The following MORC4 variants were observed in gnomAD, a reference collection of about 807,000 sequenced individuals.
MORC4 encodes the protein MORC family CW-type zinc finger 4.
MORC4 carries 22 observed loss-of-function variants against 65.5 expected under a neutral mutation model. The ratio of observed to expected loss-of-function variants is 0.34; its 90% CI spans 0.24 to 0.48. The LOEUF (loss-of-function observed/expected upper bound fraction) is 0.48, where lower values mean the gene tolerates loss of function less well. Among genes scored for constraint, MORC4 ranks in the 20% least tolerant of loss-of-function variants. The pLI, the probability that MORC4 is intolerant of heterozygous loss-of-function variation, is 0.99. For missense variants in MORC4, 624 were observed against 703.0 expected (o/e 0.89, Z 1.27); for synonymous variants, 267 against 255.8 (o/e 1.04, Z -0.42).
intron 13 of MORC4, 107 bp from the exon 14 acceptor site, chrX:106,955,195 A>C: frequency 5.2e-6 from 3 of 580,964 alleles, no homozygotes; most frequent in East Asian, 3.5e-5. Context: ...AAATAAAAAG[A>C]AACTGTTTCC....
At chrX:106,996,636 G>C (rs779815466) in intron 2 of MORC4, among the ~76,000 whole-genome samples, 1 of 111,197 alleles carries the variant, frequency 9.0e-6, no homozygotes, top group Non-Finnish European at 1.9e-5. Flanking sequence ...CAATGAACAG[G>C]TAGCACAATG....
At chrX:106,983,936 AT>A (rs1197579219) in intron 5 of MORC4, among the ~76,000 whole-genome samples, 7 of 110,620 alleles carry the variant, frequency 6.3e-5, no homozygotes, top group South Asian at 3.8e-4. Flanking sequence ...GTTTACTCTA[AT>A]TTTTTTTCTC....
intron 14 of MORC4, among the ~76,000 whole-genome samples, chrX:106,947,582 TATATATATA>T (rs1400232911): frequency 1.8e-4 from 16 of 90,807 alleles, no homozygotes; most frequent in African/African-American, 6.4e-4. Context: ...TATATATATA[TATATATATA>T]ATATATATAT....
chrX:106,941,873 T>G, intron 16 of MORC4, 65 bp downstream of exon 16: 1 of 1,084,567 alleles, frequency 9.2e-7, no homozygotes, highest in Non-Finnish European at 1.2e-6. Context: ...GGCCAGTAAG[T>G]GGGGGTCCTA....
rs1175715893 is a variant in MORC4 at position 106,942,981 on chromosome X, C to T, written c.1910G>A (p.Gly637Asp). 8.3e-7 allele frequency: 1 copy of T among 1,209,464 alleles called. No homozygotes were observed. Among genetic ancestry groups the T allele is most frequent in the African/African-American group, 1.8e-5 (1 of 57,120 alleles). ...PEYPEASKNT[G>D]QNREVSILYP... ...CAGAATTGAAACCTCCCTATTCTGA[C>T]CTGTATTCTTGCTTGCTTCTGGGTA... The change falls in exon 15 of 17, where the codon GGT becomes GAT. Residue 637 changes from glycine (G) to aspartate (D), a missense_variant. Coordinates refer to ENST00000355610, the MANE Select transcript of MORC4 (RefSeq NM_024657.5).
At position 106,943,191 on chromosome X, in the gene MORC4, A is replaced by G. The variant is rs1602470725; in HGVS notation, c.1700T>C (p.Ile567Thr). 8.3e-7 allele frequency: 1 copy of G among 1,197,906 alleles called. No homozygotes were observed. The highest frequency in any genetic ancestry group is 3.0e-5 in the East Asian group (1 of 33,651). ...VLQFSSKYKW[I>T]LGEEPVEKRR... The stretch of plus-strand genomic sequence containing the variant: ...TTTCTCCACCGGTTCTTCACCTAGG[A>G]TCCATTTGTACTTACTGCAAGAAGA... Residue 567 changes from isoleucine (I) to threonine (T), a missense_variant, in exon 15 of 17, where the codon ATC becomes ACC. By Grantham distance (89) the Ile-to-Thr change is moderately conservative. Coordinates refer to ENST00000355610, the MANE Select transcript of MORC4 (RefSeq NM_024657.5).
rs112124198 is a variant in MORC4 at position 106,985,679 on chromosome X, GAA to G, written c.526+302_526+303del. Among the ~76,000 whole-genome samples the G allele has an allele frequency of 3.8e-3, 380 of 100,065 alleles. 3 individuals carry two copies. The highest frequency in any genetic ancestry group is 0.012 in the African/African-American group (347 of 27,859). The allele number at this position is 100,065 out of a possible 115,157, so 86.9% of individuals were successfully genotyped here. On this transcript the variant is annotated intron_variant, in intron 4 of 16. Coordinates refer to ENST00000355610, the MANE Select transcript of MORC4 (RefSeq NM_024657.5). Reference sequence around the variant, plus strand: ...AATGCAAATGTAGCTATCCTTAGGGGAAAAAAAAAAAAAGGAAGGCCTTCGGA... The same window carrying G: ...AATGCAAATGTAGCTATCCTTAGGGGAAAAAAAAAAAGGAAGGCCTTCGGA...
At chrX:106,981,236 T>C in intron 6 of MORC4, 109 bp downstream of exon 6, 1 of 926,874 alleles carries the variant, frequency 1.1e-6, no homozygotes, top group Non-Finnish European at 1.5e-6. Context: ...TACTAGCACA[T>C]GGCTGGAACG....
chrX:106,975,109 C>A (rs150972146), intron 9 of MORC4, among the ~76,000 whole-genome samples: 3,344 of 111,271 alleles, frequency 0.03, 129 homozygotes, highest in African/African-American at 0.1. Context: ...AGATCTAATG[C>A]CTGTAAAATT....
intron 9 of MORC4, among the ~76,000 whole-genome samples, chrX:106,970,499 C>T (rs779186044): frequency 2.4e-4 from 27 of 111,619 alleles, no homozygotes; most frequent in Non-Finnish European, 4.3e-4. Flanking sequence ...AAGCAATAAA[C>T]GGTATTCAAA....
rs58310740 is a variant in MORC4 at position 106,941,371 on chromosome X, TGAGAGAGAGAGAGAGAGAGA to T, written c.*88_*107del. 13 of 395,866 alleles carry T rather than the reference TGAGAGAGAGAGAGAGAGAGA, an allele frequency of 3.3e-5. No homozygotes were observed. Among genetic ancestry groups the T allele is most frequent in the Admixed American group, 2.0e-4 (4 of 20,135 alleles). 32.6% of individuals were successfully genotyped at this position (395,866 alleles called of 1,213,427 possible). On this transcript the variant is annotated 3_prime_UTR_variant, in exon 17 of 17. Coordinates refer to ENST00000355610, the MANE Select transcript of MORC4 (RefSeq NM_024657.5). ...TCTATATAAGGCATAAAGGTGAGGG[TGAGAGAGAGAGAGAGAGAGA>T]GAGAGAGAGAGAGAGAGAGACGTGA... is the stretch of plus-strand genomic sequence containing the variant.
intron 14 of MORC4, among the ~76,000 whole-genome samples, chrX:106,945,349 C>T (rs1260913794): frequency 9.1e-6 from 1 of 109,327 alleles, no homozygotes; most frequent in Non-Finnish European, 1.9e-5. Context: ...AAATCCAACT[C>T]AAATGCTACT....
Position 106,941,411 on chromosome X carries a change from A to AGAGG in MORC4, c.*67_*68insCCTC. The AGAGG allele has an allele frequency of 1.4e-6, 1 of 733,204 alleles. No homozygotes were observed. The highest frequency in any genetic ancestry group is 1.9e-6 in the Non-Finnish European group (1 of 525,838). The allele number at this position is 733,204 out of a possible 1,213,427, so 60.4% of individuals were successfully genotyped here. On this transcript the variant is annotated 3_prime_UTR_variant, in exon 17 of 17. Transcript: ENST00000355610. Reference sequence around the variant, plus strand: ...GAGAGAGAGAGAGAGAGAGAGAGAGACGTGAGGGAGGGAGAGAAAAGAGAA... The same window carrying AGAGG: ...GAGAGAGAGAGAGAGAGAGAGAGAGAGAGGCGTGAGGGAGGGAGAGAAAAGAGAA...
At chrX:106,997,674 T>C (rs1310984141) in intron 2 of MORC4, among the ~76,000 whole-genome samples, 1 of 112,646 alleles carries the variant, frequency 8.9e-6, no homozygotes, top group East Asian at 2.8e-4. Flanking sequence ...TTGTGAAAGC[T>C]GCTTGTAAAC....
At chrX:106,953,008 A>G (rs1934013810) in intron 14 of MORC4, among the ~76,000 whole-genome samples, 1 of 112,092 alleles carries the variant, frequency 8.9e-6, no homozygotes, top group Non-Finnish European at 1.9e-5. Flanking sequence ...AGCAACAGCA[A>G]CTATCACATA....
At chrX:106,999,488 T>C (rs1935138526) in intron 2 of MORC4, among the ~76,000 whole-genome samples, 189 bp downstream of exon 2, 2 of 112,125 alleles carry the variant, frequency 1.8e-5, no homozygotes, top group Admixed American at 1.9e-4. Context: ...CTCCGTTTTA[T>C]GAGCGGAACC....
chrX:106,947,571 T>A (rs867698738), intron 14 of MORC4, among the ~76,000 whole-genome samples: 17 of 77,953 alleles, frequency 2.2e-4, no homozygotes, highest in South Asian at 6.1e-4. Context: ...TATATATATA[T>A]TATATATATA....
In MORC4 at chrX:106,977,057, T is replaced by C. The variant is rs749259216; in HGVS notation, c.1057-373A>G. Among the ~76,000 whole-genome samples, 9 of 111,854 alleles carry C rather than the reference T, an allele frequency of 8.0e-5. No individual in the cohort carries two copies. The South Asian group carries it at 3.0e-3, about 37-fold the overall frequency. ...CTAAAAAACCAAGGTTATATACTAC[T>C]GTTCTAAGGAACTGAAACAAATATT... On this transcript the variant is annotated intron_variant, in intron 8 of 16. Coordinates refer to ENST00000355610, the MANE Select transcript of MORC4 (RefSeq NM_024657.5).
chrX:106,983,617 A>C, intron 5 of MORC4, among the ~76,000 whole-genome samples: 1 of 112,032 alleles, frequency 8.9e-6, no homozygotes, highest in Non-Finnish European at 1.9e-5. Flanking sequence ...GAAATAGCAT[A>C]AAGTATTTCT....
Sources: gnomAD v4.1 joint callset for allele counts (sites outside exome capture counted in the v4.1 genomes callset) on GRCh38, gnomAD v4.1.1 for gene constraint, MANE v1.5 for transcripts, NCBI Gene and HGNC (gene_info 2026-07-23, HGNC 2026-07-21) for gene names.